Variants in NBAS observed in about 807,000 individuals in gnomAD.
The protein encoded by NBAS is NBAS subunit of NRZ tethering complex, also known as NAG/BC035112 fusion.
Under a neutral mutation model 302.5 loss-of-function variants are expected in NBAS, and 219 were observed. That is an observed-to-expected ratio of 0.72 (90% CI 0.65 to 0.81). The LOEUF is 0.81. Ranked by LOEUF, NBAS falls within the 30% of genes least tolerant of loss-of-function variation. The pLI is 0.00. For synonymous variants in NBAS, 1,118 were observed against 1,021.6 expected (o/e 1.09, Z -1.80); for missense variants, 2,932 against 2,841.6 (o/e 1.03, Z -0.72).
intron 21 of NBAS, among the ~76,000 whole-genome samples, chr2:15,438,996 T>C (rs919487694): frequency 6.6e-6 from 1 of 152,168 alleles, no homozygotes; most frequent in African/African-American, 2.4e-5. Flanking sequence ...TTTCATTATA[T>C]ATTAAAGAAT....
chr2:15,022,036 G>A, the NBAS span, among the ~76,000 whole-genome samples: 16 of 152,276 alleles, frequency 1.1e-4, 1 homozygote, highest in African/African-American at 3.6e-4. Flanking sequence ...ACTTGATGGA[G>A]TGAGAGAAGC....
the NBAS span, among the ~76,000 whole-genome samples, chr2:15,142,094 G>C: frequency 1.3e-5 from 2 of 152,162 alleles, no homozygotes; most frequent in African/African-American, 4.8e-5. Flanking sequence ...CTCCACCCAC[G>C]TGTTGGGGGA....
the NBAS span, among the ~76,000 whole-genome samples, chr2:15,075,190 A>G: frequency 6.6e-6 from 1 of 152,358 alleles, no homozygotes; most frequent in South Asian, 2.1e-4. Flanking sequence ...GATGAACAGT[A>G]CAACTGAATA....
chr2:15,020,972 C>T, the NBAS span, among the ~76,000 whole-genome samples: 1 of 152,182 alleles, frequency 6.6e-6, no homozygotes, highest in Non-Finnish European at 1.5e-5. Context: ...TGACTCATGC[C>T]TATAATCCCA....
At chr2:15,158,371 G>C in the NBAS span, among the ~76,000 whole-genome samples, 2 of 152,178 alleles carry the variant, frequency 1.3e-5, no homozygotes, top group African/African-American at 4.8e-5. Flanking sequence ...CAGGGTGAGA[G>C]AGGCCTCCTA....
the NBAS span, among the ~76,000 whole-genome samples, chr2:15,099,431 G>T: frequency 3.2e-4 from 48 of 151,996 alleles, no homozygotes; most frequent in Non-Finnish European, 6.6e-4. Context: ...TTTATGAAAA[G>T]AACATTGTAA....
At chr2:15,456,083 G>T (rs1679237520) in intron 21 of NBAS, among the ~76,000 whole-genome samples, 1 of 152,106 alleles carries the variant, frequency 6.6e-6, no homozygotes, top group Non-Finnish European at 1.5e-5. Flanking sequence ...TACAAACTCA[G>T]AACAGGTGGC....
At chr2:15,407,482 A>G (rs1676471467) in intron 25 of NBAS, among the ~76,000 whole-genome samples, 1 of 152,184 alleles carries the variant, frequency 6.6e-6, no homozygotes, top group South Asian at 2.1e-4. Context: ...GAAACCGCTC[A>G]ATCCCTGATC....
chr2:15,419,822 C>T (rs533059771), intron 23 of NBAS, among the ~76,000 whole-genome samples: 1 of 152,216 alleles, frequency 6.6e-6, no homozygotes, highest in East Asian at 1.9e-4. Context: ...CACCATTCTC[C>T]TGCCTCAGCC....
chr2:15,437,029 C>A (rs970318391), intron 21 of NBAS, among the ~76,000 whole-genome samples: 1 of 152,092 alleles, frequency 6.6e-6, no homozygotes. Flanking sequence ...GCAAAAGATT[C>A]GGAACATGTA....
At chr2:14,914,945 G>C in the NBAS span, among the ~76,000 whole-genome samples, 5 of 152,258 alleles carry the variant, frequency 3.3e-5, no homozygotes, top group East Asian at 9.6e-4. Context: ...TCCACCTAAT[G>C]GGCTTCTTTC....
At chr2:14,803,934 G>C in the NBAS span, among the ~76,000 whole-genome samples, 2 of 152,286 alleles carry the variant, frequency 1.3e-5, no homozygotes, top group African/African-American at 4.8e-5. Context: ...ACAGATGTGA[G>C]CCACCGTGCC....
chr2:15,229,269 G>A (rs1667273787), intron 47 of NBAS, among the ~76,000 whole-genome samples: 1 of 148,676 alleles, frequency 6.7e-6, no homozygotes, highest in Non-Finnish European at 1.5e-5. Context: ...TTGAACCCGG[G>A]GGCAGAGGTT....
At chr2:15,028,512 C>T in the NBAS span, among the ~76,000 whole-genome samples, 1 of 152,190 alleles carries the variant, frequency 6.6e-6, no homozygotes, top group African/African-American at 2.4e-5. Context: ...CATTTTCCTG[C>T]TTAAAACTTT....
At chr2:15,247,726 C>CTATATA in intron 44 of NBAS, among the ~76,000 whole-genome samples, 1 of 148,882 alleles carries the variant, frequency 6.7e-6, no homozygotes, top group East Asian at 2.0e-4. Context: ...ATATATACCT[C>CTATATA]TATCTATAGA....
the NBAS span, among the ~76,000 whole-genome samples, chr2:14,977,417 T>A: frequency 1.3e-5 from 2 of 152,174 alleles, no homozygotes; most frequent in Non-Finnish European, 2.9e-5. Context: ...ATCTGAAATA[T>A]ACAGACATTT....
At chr2:15,299,539 AG>A (rs1313722891) in intron 40 of NBAS, among the ~76,000 whole-genome samples, 2 of 152,210 alleles carry the variant, frequency 1.3e-5, no homozygotes, top group East Asian at 3.9e-4. Flanking sequence ...TTTTCTACTT[AG>A]TATTTTCAAT....
intron 9 of NBAS, among the ~76,000 whole-genome samples, chr2:15,529,168 T>C (rs544444866): frequency 6.6e-6 from 1 of 152,170 alleles, no homozygotes; most frequent in South Asian, 2.1e-4. Flanking sequence ...TATATATATA[T>C]GTGCTGAGGA....
chr2:14,904,736 A>T, the NBAS span, among the ~76,000 whole-genome samples: 1 of 152,176 alleles, frequency 6.6e-6, no homozygotes, highest in Non-Finnish European at 1.5e-5. Flanking sequence ...ATTTGTGTCT[A>T]CGTATTTCAT....
Sources: allele counts gnomAD v4.1 joint callset (sites outside exome capture counted in the v4.1 genomes callset), GRCh38; gene constraint gnomAD v4.1.1; transcripts MANE v1.5; gene names NCBI Gene and HGNC (gene_info 2026-07-23, HGNC 2026-07-21).